The following FRYL variants were observed in gnomAD, a reference collection of about 807,000 sequenced individuals.
FRYL encodes the protein FRY like transcription coactivator, also known as protein furry homolog-like.
In FRYL, 150 loss-of-function variants were observed where a neutral mutation model predicts 351.2. That is an observed-to-expected ratio of 0.43 (90% confidence interval 0.37 to 0.49). The LOEUF (loss-of-function observed/expected upper bound fraction) is 0.49. Ranked by LOEUF, FRYL falls within the 20% of genes least tolerant of loss-of-function variation. The pLI is 0.00. For synonymous variants in FRYL, 1,153 were observed against 1,257.1 expected (o/e 0.92, Z 1.75); for missense variants, 3,036 against 3,619.3 (o/e 0.84, Z 4.13).
intron 26 of FRYL, 128 bp downstream of exon 26, chr4:48,573,058 G>T: frequency 1.6e-6 from 1 of 625,964 alleles, no homozygotes; most frequent in Non-Finnish European, 2.8e-6. Flanking sequence ...TGCGGGGAGG[G>T]GAAGTGTCTG....
rs114029467 is a variant in FRYL, at chr4:48,551,865, C to T, written c.4436-287G>A. Among the ~76,000 whole-genome samples, 848 of 152,170 alleles carry T rather than the reference C, an allele frequency of 5.6e-3. 6 individuals are homozygous for T. Among genetic ancestry groups the T allele is most frequent in the African/African-American group, 0.019 (808 of 41,514 alleles). ...CTTCCATGTTTATATTGCTGAACTT[C>T]CAAAAGGTAGCATCGAGAACCTCTG... is the stretch of plus-strand genomic sequence containing the variant. On this transcript the variant is annotated intron_variant, in intron 36 of 63. Transcript: ENST00000358350.
At chr4:48,592,364 C>A (rs1743592456) in intron 16 of FRYL, among the ~76,000 whole-genome samples, 1 of 151,738 alleles carries the variant, frequency 6.6e-6, no homozygotes, top group South Asian at 2.1e-4. Context: ...TGAGCTCTTA[C>A]AAAAGTCCTT....
chr4:48,569,323 T>C (rs1737702962), intron 27 of FRYL, among the ~76,000 whole-genome samples: 1 of 152,250 alleles, frequency 6.6e-6, no homozygotes, highest in Non-Finnish European at 1.5e-5. Flanking sequence ...TTTTTTCTTT[T>C]GAGGCGGAGT....
intron 1 of FRYL, among the ~76,000 whole-genome samples, chr4:48,715,524 T>C (rs1768695634): frequency 1.3e-5 from 2 of 151,428 alleles, no homozygotes. Context: ...CCATTCACAA[T>C]TGCTTCAAAG....
chr4:48,580,068 C>CGGGG (rs11375529), intron 22 of FRYL, among the ~76,000 whole-genome samples: 11 of 151,522 alleles, frequency 7.3e-5, no homozygotes, highest in African/African-American at 1.7e-4. Flanking sequence ...AGCATCATGG[C>CGGGG]GGGGGGGAAT....
intron 1 of FRYL, among the ~76,000 whole-genome samples, chr4:48,733,865 A>C (rs1040962440): frequency 2.6e-5 from 4 of 152,160 alleles, no homozygotes; most frequent in Non-Finnish European, 2.9e-5. Flanking sequence ...GCACATTGCA[A>C]ACTCTCAGCA....
At chr4:48,681,104 C>G in intron 3 of FRYL, 1 of 1,252,606 alleles carries the variant, frequency 8.0e-7, no homozygotes, top group Non-Finnish European at 1.0e-6. Context: ...ATGGGAGGAA[C>G]AACTCTCTTT....
At position 48,552,050 on chromosome 4, in the gene FRYL, A is replaced by C. The variant is rs1267486960; in HGVS notation, c.4436-472T>G. Among the ~76,000 whole-genome samples, 4 of 152,166 alleles carry C rather than the reference A, an allele frequency of 2.6e-5. No homozygotes were observed. In the East Asian group the frequency reaches 7.7e-4, roughly 29 times the overall value. ...GTCTTTTCTGATGAGAGTAAATCAGAAGATTCCTGAACTAGGGCACGCCAT... is the reference window on the plus strand; with the variant it reads ...GTCTTTTCTGATGAGAGTAAATCAGCAGATTCCTGAACTAGGGCACGCCAT... On this transcript the variant is annotated intron_variant, in intron 36 of 63. Transcript: ENST00000358350.
intron 3 of FRYL, among the ~76,000 whole-genome samples, chr4:48,678,760 A>G (rs183358003): frequency 3.0e-4 from 45 of 152,254 alleles, no homozygotes; most frequent in African/African-American, 1.0e-3. Flanking sequence ...AGAAATTTCA[A>G]CATACATCAG....
chr4:48,721,369 T>A (rs1214623909), intron 1 of FRYL, among the ~76,000 whole-genome samples: 1 of 151,352 alleles, frequency 6.6e-6, no homozygotes, highest in Non-Finnish European at 1.5e-5. Context: ...TTTTTTTTTT[T>A]AATGGTTGAG....
At chr4:48,607,092 CA>C (rs1218214942) in intron 9 of FRYL, among the ~76,000 whole-genome samples, 3 of 152,168 alleles carry the variant, frequency 2.0e-5, no homozygotes, top group Admixed American at 6.5e-5. Context: ...ATTACACTGC[CA>C]AAAGGCTTTT....
In FRYL at chr4:48,557,606, G is replaced by A; in HGVS notation, c.3972C>T (p.Leu1324=). The A allele has an allele frequency of 1.9e-6, 3 of 1,614,154 alleles. No homozygotes were observed. Among genetic ancestry groups the A allele is most frequent in the Non-Finnish European group, 2.5e-6 (3 of 1,180,030 alleles). ...NNIELVDLKP[L]PTARRHDEDE... ...CTTCATCATGTCGCCTTGCTGTGGG[G>A]AGAGGTTTTAAGTCCACCAGCTCGA... is the stretch of plus-strand genomic sequence containing the variant. Residue 1324 remains leucine, a synonymous_variant, in exon 34 of 64, where the codon CTC becomes CTT. Transcript: ENST00000358350.
intron 1 of FRYL, among the ~76,000 whole-genome samples, chr4:48,718,914 T>A (rs1389364407): frequency 2.0e-5 from 3 of 151,470 alleles, no homozygotes; most frequent in Non-Finnish European, 4.4e-5. Flanking sequence ...CATTTCCACT[T>A]ACATTTGTGC....
At chr4:48,649,580 A>C (rs1757228045) in intron 3 of FRYL, among the ~76,000 whole-genome samples, 1 of 152,194 alleles carries the variant, frequency 6.6e-6, no homozygotes, top group Non-Finnish European at 1.5e-5. Context: ...ATTTTAGGGA[A>C]CTAAGCCAAT....
chr4:48,543,048 T>G (rs1730578815), intron 44 of FRYL, among the ~76,000 whole-genome samples: 1 of 152,160 alleles, frequency 6.6e-6, no homozygotes, highest in African/African-American at 2.4e-5. Flanking sequence ...CTGCAATGTA[T>G]TCTAGCGACA....
In FRYL at chr4:48,528,219, T is replaced by C; in HGVS notation, c.7021A>G (p.Asn2341Asp). ...TTCCAACTAACAGGAACCAAGGCATTAGAATTAGAACCAGAAGAAGTTGAG... is the reference window on the plus strand; with the variant it reads ...TTCCAACTAACAGGAACCAAGGCATCAGAATTAGAACCAGAAGAAGTTGAG... Reference protein sequence around the residue: ...TSSTSSGSNSNALVPVSWKRP... With the variant: ...TSSTSSGSNSDALVPVSWKRP... The change falls in exon 51 of 64, where the codon AAT (asparagine) becomes GAT (aspartate). Residue 2341 changes from asparagine to aspartate, a missense_variant. Asn to Asp is a conservative substitution (Grantham distance 23). Around this residue, in one of 7 missense-constraint regions of FRYL, gnomAD observed 1,987 missense variants for 2,311.7 expected, o/e 0.86. Transcript: ENST00000358350. 6.2e-7 allele frequency: 1 copy of C among 1,613,362 alleles called. No individual in the cohort carries two copies. Among genetic ancestry groups the C allele is most frequent in the Non-Finnish European group, 8.5e-7 (1 of 1,179,496 alleles).
chr4:48,681,488 T>G (rs1366533287), intron 3 of FRYL, among the ~76,000 whole-genome samples: 4 of 152,202 alleles, frequency 2.6e-5, no homozygotes, highest in African/African-American at 9.6e-5. Flanking sequence ...GAAATTTACT[T>G]TGGCCTGAGG....
At chr4:48,557,214 A>G (rs1385462698) in intron 34 of FRYL, 96 bp from the exon 35 acceptor site, 1 of 1,422,314 alleles carries the variant, frequency 7.0e-7, no homozygotes, top group Non-Finnish European at 9.5e-7. Flanking sequence ...TGTTTTGTAC[A>G]GATAGCTTTA....
In FRYL at chr4:48,602,094, A is replaced by G; in HGVS notation, c.961T>C (p.Leu321=). 1 of 1,595,894 alleles carries G rather than the reference A, an allele frequency of 6.3e-7. No homozygotes were observed. Among genetic ancestry groups the G allele is most frequent in the South Asian group, 1.1e-5 (1 of 90,634 alleles). The stretch of plus-strand genomic sequence containing the variant: ...AAAAATTGTTTCTGACTGACACATA[A>G]AAGGCAGGTAATTAGTGGATATAAA... ...LALYPLITCL[L]CVSQKQFFLN... The change falls in exon 13 of 64, where the codon TTA becomes CTA. Residue 321 remains leucine, a synonymous_variant. Transcript: ENST00000358350.
Sources: gnomAD v4.1 joint callset for allele counts (sites outside exome capture counted in the v4.1 genomes callset) on GRCh38, gnomAD v4.1.1 for gene constraint, gnomAD v4.1.1 regional missense constraint, MANE v1.5 for transcripts, NCBI Gene and HGNC (gene_info 2026-07-23, HGNC 2026-07-21) for gene names.